The following MALRD1 variants were observed in gnomAD, a reference collection of about 807,000 sequenced individuals.
The protein encoded by MALRD1 is MAM and LDL-receptor class A domain-containing protein 1.
In MALRD1, 247 loss-of-function variants were observed where a neutral mutation model predicts 242.1. That is an observed-to-expected ratio of 1.02 (90% CI 0.92 to 1.13). The LOEUF (loss-of-function observed/expected upper bound fraction) is 1.13, where lower values mean the gene tolerates loss of function less well. MALRD1 is among the 50% of genes most tolerant of loss of function. MALRD1 has a pLI of 0.00. For synonymous variants in MALRD1, 995 were observed against 866.6 expected, an observed-to-expected ratio of 1.15 and a Z score of -2.60; for missense variants, 2,989 against 2,533.1, an observed-to-expected ratio of 1.18 and a Z score of -3.86.
intron 38 of MALRD1, among the ~76,000 whole-genome samples, chr10:19,697,455 A>G (rs1005786464): frequency 6.6e-6 from 1 of 151,896 alleles, no homozygotes; most frequent in Non-Finnish European, 1.5e-5. Flanking sequence ...AAGGTTAATC[A>G]TGTCTGAAAA....
chr10:19,699,934 G>T (rs1833547784), intron 38 of MALRD1, among the ~76,000 whole-genome samples: 1 of 151,404 alleles, frequency 6.6e-6, no homozygotes, highest in South Asian at 2.1e-4. Context: ...ATGAGATTTG[G>T]GTGGCAACAA....
chr10:19,247,072 G>A (rs778653805), intron 18 of MALRD1, among the ~76,000 whole-genome samples: 18 of 152,000 alleles, frequency 1.2e-4, no homozygotes, highest in Non-Finnish European at 1.9e-4. Context: ...AAACTTTGAC[G>A]AAACATATAA....
chr10:19,413,845 G>C (rs7082707), intron 28 of MALRD1, among the ~76,000 whole-genome samples: 94,925 of 151,528 alleles, frequency 0.63, 30,161 homozygotes, highest in Non-Finnish European at 0.68. Flanking sequence ...CAGCCACTTG[G>C]GGGGCTGAGG....
At chr10:19,129,167 C>T (rs1382449132) in intron 8 of MALRD1, among the ~76,000 whole-genome samples, 2 of 152,046 alleles carry the variant, frequency 1.3e-5, no homozygotes, top group Non-Finnish European at 2.9e-5. Flanking sequence ...AGGTCTCAGG[C>T]CCGCAAGACT....
At chr10:19,442,025 G>T (rs1834689841) in intron 28 of MALRD1, among the ~76,000 whole-genome samples, 1 of 152,090 alleles carries the variant, frequency 6.6e-6, no homozygotes, top group Admixed American at 6.5e-5. Context: ...TTGGTTTGTA[G>T]TTCTCCGTGA....
chr10:19,582,129 G>T (rs938545045), intron 33 of MALRD1, among the ~76,000 whole-genome samples: 75 of 152,082 alleles, frequency 4.9e-4, no homozygotes, highest in African/African-American at 1.7e-3. Context: ...TTAGCCCTTT[G>T]TCAGATGAGT....
At chr10:19,311,936 T>G (rs1196944220) in intron 21 of MALRD1, among the ~76,000 whole-genome samples, 2 of 151,500 alleles carry the variant, frequency 1.3e-5, no homozygotes, top group Non-Finnish European at 3.0e-5. Context: ...TGATATTTGT[T>G]TACCTTCTGA....
intron 36 of MALRD1, among the ~76,000 whole-genome samples, chr10:19,631,506 A>T (rs1465640851): frequency 6.6e-6 from 1 of 152,158 alleles, no homozygotes; most frequent in Non-Finnish European, 1.5e-5. Flanking sequence ...TTGGGTACAT[A>T]TCCAGTAATG....
At chr10:19,127,155 C>T (rs1226179993) in intron 7 of MALRD1, among the ~76,000 whole-genome samples, 1 of 152,162 alleles carries the variant, frequency 6.6e-6, no homozygotes, top group Non-Finnish European at 1.5e-5. Context: ...TCCAGTCTAT[C>T]ATTGATGGGC....
intron 13 of MALRD1, among the ~76,000 whole-genome samples, chr10:19,171,177 A>C (rs1834905336): frequency 6.6e-6 from 1 of 151,870 alleles, no homozygotes; most frequent in Non-Finnish European, 1.5e-5. Flanking sequence ...CATAGAAGGA[A>C]TAATATAATT....
intron 31 of MALRD1, among the ~76,000 whole-genome samples, chr10:19,500,418 G>A (rs572164797): frequency 6.6e-6 from 1 of 152,276 alleles, no homozygotes; most frequent in South Asian, 2.1e-4. Flanking sequence ...ATACAGTATG[G>A]TGCTGGCATA....
At chr10:19,330,524 T>A (rs1338133875) in intron 23 of MALRD1, among the ~76,000 whole-genome samples, 1 of 152,198 alleles carries the variant, frequency 6.6e-6, no homozygotes, top group Non-Finnish European at 1.5e-5. Flanking sequence ...ATATTTCTTA[T>A]GTTAACATAT....
At chr10:19,279,404 T>C (rs376581018) in intron 19 of MALRD1, among the ~76,000 whole-genome samples, 1 of 152,278 alleles carries the variant, frequency 6.6e-6, no homozygotes, top group South Asian at 2.1e-4. Context: ...ATATTTAACT[T>C]TTTCTCCACA....
chr10:19,592,404 C>T (rs550613075), intron 33 of MALRD1, among the ~76,000 whole-genome samples: 1 of 152,334 alleles, frequency 6.6e-6, no homozygotes, highest in South Asian at 2.1e-4. Flanking sequence ...TCCAACTCAC[C>T]AGTCAATGAA....
chr10:19,541,006 T>C (rs1045094642), intron 32 of MALRD1, among the ~76,000 whole-genome samples: 1 of 152,156 alleles, frequency 6.6e-6, no homozygotes, highest in Non-Finnish European at 1.5e-5. Flanking sequence ...TGGGTACTAG[T>C]TTGTATAACA....
intron 31 of MALRD1, among the ~76,000 whole-genome samples, chr10:19,520,667 TA>T (rs1833836907): frequency 6.6e-6 from 1 of 152,050 alleles, no homozygotes; most frequent in Non-Finnish European, 1.5e-5. Context: ...TATGAAACCA[TA>T]GTGAGTGTTT....
At chr10:19,431,862 T>TA (rs1392218966) in intron 28 of MALRD1, among the ~76,000 whole-genome samples, 1 of 152,226 alleles carries the variant, frequency 6.6e-6, no homozygotes, top group Non-Finnish European at 1.5e-5. Context: ...ACGGGACAGA[T>TA]ACAATCATTC....
At chr10:19,397,413 G>A (rs1846631677) in intron 28 of MALRD1, among the ~76,000 whole-genome samples, 1 of 152,092 alleles carries the variant, frequency 6.6e-6, no homozygotes, top group Non-Finnish European at 1.5e-5. Context: ...GCAAATAACA[G>A]GATTTCATTT....
chr10:19,129,045 GT>G (rs1554794327), intron 8 of MALRD1, among the ~76,000 whole-genome samples: 1 of 151,944 alleles, frequency 6.6e-6, no homozygotes, highest in South Asian at 2.1e-4. Flanking sequence ...CCAGATGCAT[GT>G]TTTTTTTCCA....
Sources: gnomAD v4.1 joint callset for allele counts (sites outside exome capture counted in the v4.1 genomes callset) on GRCh38, gnomAD v4.1.1 for gene constraint, MANE v1.5 for transcripts, NCBI Gene and HGNC (gene_info 2026-07-23, HGNC 2026-07-21) for gene names.